JAK1: variants seen among roughly 807,000 people sequenced by gnomAD.
JAK1 encodes the protein tyrosine-protein kinase JAK1.
A neutral mutation model predicts 136.6 loss-of-function variants in JAK1; 16 were observed. That is an observed-to-expected ratio of 0.12 (90% CI 0.08 to 0.18). JAK1 has a LOEUF of 0.18. Among genes scored for constraint, JAK1 ranks in the 10% least tolerant of loss-of-function variants. JAK1 has a pLI of 1.00. For synonymous variants in JAK1, 492 were observed against 519.5 expected, an observed-to-expected ratio of 0.95 and a Z score of 0.72; for missense variants, 859 against 1,450.1, an observed-to-expected ratio of 0.59 and a Z score of 6.62.
chr1:65,020,859 T>G (rs1646931874), intron 2 of JAK1, among the ~76,000 whole-genome samples: 1 of 152,116 alleles, frequency 6.6e-6, no homozygotes, highest in South Asian at 2.1e-4. Flanking sequence ...ACTCTAGAAC[T>G]AGTAACTTGG....
At chr1:64,841,179 A>G in intron 19 of JAK1, 66 bp downstream of exon 19, 1 of 1,138,568 alleles carries the variant, frequency 8.8e-7, no homozygotes, top group Non-Finnish European at 1.3e-6. Context: ...CTGTACGTGC[A>G]GAGAGTGGCG....
At chr1:64,882,420 T>G (rs1024416437) in intron 3 of JAK1, among the ~76,000 whole-genome samples, 2 of 152,218 alleles carry the variant, frequency 1.3e-5, no homozygotes, top group African/African-American at 4.8e-5. Flanking sequence ...AGAACCTTTT[T>G]AAAACAGCTT....
intron 1 of JAK1, among the ~76,000 whole-genome samples, chr1:64,913,659 G>GGAAA (rs1645329572): frequency 6.3e-5 from 1 of 15,840 alleles, no homozygotes; most frequent in African/African-American, 2.1e-4. Flanking sequence ...AAGGAAAGAA[G>GGAAA]GAAGGAAGGA....
At chr1:64,850,145 A>C (rs2101026759) in intron 12 of JAK1, among the ~76,000 whole-genome samples, 1 of 152,164 alleles carries the variant, frequency 6.6e-6, no homozygotes, top group Middle Eastern at 3.4e-3. Flanking sequence ...TCTCCCTGAT[A>C]CCCCAACGCG....
chr1:64,976,938 A>T (rs1272872513), intron 2 of JAK1, among the ~76,000 whole-genome samples: 1 of 152,042 alleles, frequency 6.6e-6, no homozygotes, highest in Non-Finnish European at 1.5e-5. Flanking sequence ...AGTGCCCTTA[A>T]GTCTGAGCTC....
chr1:64,962,220 G>A (rs952975945), intron 1 of JAK1, among the ~76,000 whole-genome samples: 1 of 152,218 alleles, frequency 6.6e-6, no homozygotes, highest in African/African-American at 2.4e-5. Flanking sequence ...TTCACTGCAA[G>A]AGCTCAACAA....
At chr1:64,868,461 T>C (rs1656848192) in intron 6 of JAK1, among the ~76,000 whole-genome samples, 3 of 152,306 alleles carry the variant, frequency 2.0e-5, no homozygotes, top group Middle Eastern at 3.4e-3. Flanking sequence ...AGAGAAGAAC[T>C]GTCATTTTTC....
At chr1:64,934,942 G>A (rs539686583) in intron 1 of JAK1, among the ~76,000 whole-genome samples, 45 of 152,246 alleles carry the variant, frequency 3.0e-4, no homozygotes, top group Admixed American at 8.5e-4. Flanking sequence ...AGTTCCTAAG[G>A]CCACAGCAGT....
intron 1 of JAK1, among the ~76,000 whole-genome samples, chr1:64,948,450 T>C (rs960411571): frequency 6.6e-6 from 1 of 152,282 alleles, no homozygotes; most frequent in African/African-American, 2.4e-5. Context: ...ATCTTAAATG[T>C]GAACTGTGTT....
At chr1:64,927,365 G>A (rs1645600461) in intron 1 of JAK1, among the ~76,000 whole-genome samples, 1 of 152,182 alleles carries the variant, frequency 6.6e-6, no homozygotes, top group African/African-American at 2.4e-5. Context: ...AACTGCGTCT[G>A]TCTTCCTTTT....
chr1:64,845,247 T>G (rs1655152198), intron 15 of JAK1, among the ~76,000 whole-genome samples: 1 of 152,132 alleles, frequency 6.6e-6, no homozygotes, highest in Non-Finnish European at 1.5e-5. Context: ...CTTTCAGCCT[T>G]GCCATCCATA....
At chr1:64,841,086 C>T (rs2100973289) in intron 19 of JAK1, among the ~76,000 whole-genome samples, 159 bp downstream of exon 19, 1 of 152,252 alleles carries the variant, frequency 6.6e-6, no homozygotes, top group South Asian at 2.1e-4. Flanking sequence ...GACACAATCC[C>T]TTGTGATGAA....
intron 1 of JAK1, among the ~76,000 whole-genome samples, chr1:64,950,672 G>A (rs1486802612): frequency 6.6e-6 from 1 of 152,162 alleles, no homozygotes. Flanking sequence ...CCCACGGTAA[G>A]GGGTGGACCC....
chr1:64,937,228 C>G (rs926892684), intron 1 of JAK1, among the ~76,000 whole-genome samples: 1 of 152,164 alleles, frequency 6.6e-6, no homozygotes, highest in African/African-American at 2.4e-5. Context: ...ATTTGCAAAA[C>G]TTACACCCAC....
chr1:64,885,074 C>T (rs1199214921), intron 2 of JAK1, among the ~76,000 whole-genome samples: 1 of 152,144 alleles, frequency 6.6e-6, no homozygotes, highest in African/African-American at 2.4e-5. Context: ...AAAAGAGGGA[C>T]ATTAACCAGA....
chr1:65,015,650 G>T (rs560774274), intron 2 of JAK1, among the ~76,000 whole-genome samples: 1 of 152,182 alleles, frequency 6.6e-6, no homozygotes, highest in South Asian at 2.1e-4. Flanking sequence ...TTCTCGGACT[G>T]GAGAAAACTT....
At chr1:64,894,863 A>C (rs1269988246) in intron 1 of JAK1, among the ~76,000 whole-genome samples, 1 of 151,994 alleles carries the variant, frequency 6.6e-6, no homozygotes, top group African/African-American at 2.4e-5. Flanking sequence ...CAACCAAAAA[A>C]CTGTAACCAG....
chr1:64,902,889 T>C (rs780967291), intron 1 of JAK1, among the ~76,000 whole-genome samples: 4 of 152,102 alleles, frequency 2.6e-5, no homozygotes, highest in Non-Finnish European at 5.9e-5. Flanking sequence ...GATATGACCA[T>C]GTGAGTAAGT....
At chr1:64,947,004 G>A (rs1645999885) in intron 1 of JAK1, among the ~76,000 whole-genome samples, 1 of 152,194 alleles carries the variant, frequency 6.6e-6, no homozygotes, top group Non-Finnish European at 1.5e-5. Context: ...AGTAGCCAGA[G>A]TAGTCAAATC....
Sources: allele counts gnomAD v4.1 joint callset (sites outside exome capture counted in the v4.1 genomes callset), GRCh38; gene constraint gnomAD v4.1.1; transcripts MANE v1.5; gene names NCBI Gene and HGNC (gene_info 2026-07-23, HGNC 2026-07-21).